Variants in ABHD12B observed in about 807,000 individuals in gnomAD.
The protein encoded by ABHD12B is abhydrolase domain containing 12B, also known as protein ABHD12B.
In ABHD12B, 42 loss-of-function variants were observed where a neutral mutation model predicts 50.4. The ratio of observed to expected loss-of-function variants is 0.83; its 90% CI spans 0.65 to 1.08. ABHD12B has a LOEUF of 1.08. ABHD12B is among the 50% of genes least tolerant of loss of function. The probability of loss-of-function intolerance (pLI) is 0.00; values close to 1 mark genes in which losing one functional copy is unlikely to be tolerated. For missense variants in ABHD12B, 479 were observed against 447.7 expected (o/e 1.07, Z -0.63); for synonymous variants, 167 against 160.3 (o/e 1.04, Z -0.32).
In ABHD12B at chr14:50,877,995, G is replaced by T. The variant is rs766373995; in HGVS notation, c.148G>T (p.Ala50Ser). 25 of 1,534,986 alleles carry T rather than the reference G, an allele frequency of 1.6e-5. No individual in the cohort carries two copies. The South Asian group carries it at 3.0e-4, about 18-fold the overall frequency. The change falls in exon 2 of 13, where the codon GCT becomes TCT. Residue 50 changes from alanine (A) to serine (S), a missense_variant. By Grantham distance (99) the Ala-to-Ser change is moderately conservative. Coordinates refer to ENST00000337334, the MANE Select transcript of ABHD12B (RefSeq NM_001206673.2). ...SCSMLGRKIA[A>S]LYDSFTSKSL... Reference sequence around the variant, plus strand: ...TTCAATGCTCGGAAGAAAAATTGCTGCTCTGTATGACAGCTTTACTAGTAA... The same window carrying T: ...TTCAATGCTCGGAAGAAAAATTGCTTCTCTGTATGACAGCTTTACTAGTAA...
intron 8 of ABHD12B, among the ~76,000 whole-genome samples, chr14:50,888,215 T>TG (rs1027164959): frequency 6.6e-6 from 1 of 151,216 alleles, no homozygotes; most frequent in African/African-American, 2.4e-5. Context: ...TTTCTTTTTT[T>TG]TTTTTTTGTG....
intron 10 of ABHD12B, 73 bp from the exon 11 acceptor site, chr14:50,903,316 G>C: frequency 8.2e-7 from 1 of 1,219,798 alleles, no homozygotes; most frequent in Non-Finnish European, 1.2e-6. Context: ...TTTTGCTAAA[G>C]CTTTAACTTA....
chr14:50,892,598 C>A (rs2050134789), intron 9 of ABHD12B: 3 of 983,376 alleles, frequency 3.1e-6, no homozygotes, highest in Non-Finnish European at 3.6e-6. Context: ...TTTCAAAGAA[C>A]CAGCTTTGAC....
chr14:50,884,497 G>A (rs1017127695), intron 5 of ABHD12B, among the ~76,000 whole-genome samples: 1 of 152,212 alleles, frequency 6.6e-6, no homozygotes, highest in Non-Finnish European at 1.5e-5. Flanking sequence ...GCAGACCCAG[G>A]AGTGAATCTT....
At chr14:50,883,038 T>C (rs7144826) in intron 5 of ABHD12B, among the ~76,000 whole-genome samples, 136,319 of 151,044 alleles carry the variant, frequency 0.9, 61,743 homozygotes, top group South Asian at 0.99. Context: ...TAGAGTAGCA[T>C]GGTGGCCACA....
chr14:50,895,103 A>T (rs1275297801), intron 9 of ABHD12B, among the ~76,000 whole-genome samples: 2 of 149,950 alleles, frequency 1.3e-5, no homozygotes, highest in African/African-American at 5.1e-5. Context: ...AAATATAAAA[A>T]TCCAGCCCAG....
At chr14:50,877,034 A>C (rs1189274229) in intron 1 of ABHD12B, among the ~76,000 whole-genome samples, 1 of 152,148 alleles carries the variant, frequency 6.6e-6, no homozygotes, top group East Asian at 1.9e-4. Context: ...CTCATGGACA[A>C]ATCGTCACTT....
At chr14:50,883,366 C>A (rs997571099) in intron 5 of ABHD12B, among the ~76,000 whole-genome samples, 5 of 152,204 alleles carry the variant, frequency 3.3e-5, no homozygotes, top group African/African-American at 1.2e-4. Flanking sequence ...TCCTCTCTTC[C>A]CTGTGCAGAC....
intron 1 of ABHD12B, among the ~76,000 whole-genome samples, chr14:50,872,675 C>A (rs546356709): frequency 1.3e-5 from 2 of 152,268 alleles, no homozygotes; most frequent in African/African-American, 4.8e-5. Context: ...ATGTTGTAAT[C>A]TTGGACGGGA....
At chr14:50,892,328 AG>A in intron 9 of ABHD12B, 1 of 812,314 alleles carries the variant, frequency 1.2e-6, no homozygotes, top group Non-Finnish European at 1.5e-6. Flanking sequence ...AAAATCCAAA[AG>A]GGAATGAGGG....
Position 50,901,856 on chromosome 14 carries a change from C to G in ABHD12B, c.808C>G (p.Arg270Gly). 2 of 1,592,006 alleles carry G rather than the reference C, an allele frequency of 1.3e-6. No homozygotes were observed. Among genetic ancestry groups the G allele is most frequent in the Non-Finnish European group, 1.7e-6 (2 of 1,173,804 alleles). The stretch of plus-strand genomic sequence containing the variant: ...TTACCGGAACATTCCAGGATTTTTA[C>G]GTACACTTATGGATGCCCTGAGAAA... ...KIYRNIPGFL[R>G]TLMDALRKDK... Residue 270 changes from arginine to glycine, a missense_variant, in exon 10 of 13, where the codon CGT becomes GGT. By Grantham distance (125) the Arg-to-Gly change is moderately radical. Transcript: ENST00000337334.
chr14:50,891,529 C>T (rs1566490903), intron 9 of ABHD12B: 4 of 152,334 alleles, frequency 2.6e-5, no homozygotes, highest in South Asian at 4.1e-4. Flanking sequence ...AGGCGTGAGC[C>T]ACCGCGCCCA....
intron 9 of ABHD12B, among the ~76,000 whole-genome samples, chr14:50,898,921 G>A (rs12433552): frequency 0.035 from 5,329 of 152,316 alleles, 132 homozygotes; most frequent in African/African-American, 0.059. Context: ...AGCTGGGCAC[G>A]GTGGCTGGCG....
At chr14:50,901,771 A>G (rs2050262347) in intron 9 of ABHD12B, 58 bp from the exon 10 acceptor site, 2 of 1,154,420 alleles carry the variant, frequency 1.7e-6, no homozygotes, top group Non-Finnish European at 2.4e-6. Flanking sequence ...GAAAGACTAT[A>G]TAACAGATGG....
At chr14:50,883,965 A>G (rs926430020) in intron 5 of ABHD12B, among the ~76,000 whole-genome samples, 1 of 151,456 alleles carries the variant, frequency 6.6e-6, no homozygotes, top group African/African-American at 2.4e-5. Context: ...GATTGTATCT[A>G]TATATACGTT....
At chr14:50,882,507 G>A (rs2049970171) in intron 5 of ABHD12B, among the ~76,000 whole-genome samples, 1 of 150,004 alleles carries the variant, frequency 6.7e-6, no homozygotes, top group South Asian at 2.1e-4. Context: ...CTCCCAAGTA[G>A]CTGGGATTAC....
intron 9 of ABHD12B, 93 bp from the exon 10 acceptor site, chr14:50,901,734 ACT>A (rs1471508031): frequency 1.5e-6 from 1 of 685,778 alleles, no homozygotes; most frequent in Non-Finnish European, 2.3e-6. Context: ...GAGAAGCACT[ACT>A]CTCTGTGTTA....
At chr14:50,903,346 G>A in intron 10 of ABHD12B, 43 bp from the exon 11 acceptor site, 1 of 1,456,188 alleles carries the variant, frequency 6.9e-7, no homozygotes, top group Non-Finnish European at 9.6e-7. Flanking sequence ...AAATCTCAAT[G>A]TATCATTCTT....
intron 9 of ABHD12B, among the ~76,000 whole-genome samples, chr14:50,894,563 G>T (rs61647645): frequency 1.5e-3 from 225 of 152,106 alleles, no homozygotes; most frequent in Non-Finnish European, 2.6e-3. Context: ...CTGCAATGCC[G>T]CTTGACCCCA....
Sources: gnomAD v4.1 joint callset for allele counts (sites outside exome capture counted in the v4.1 genomes callset) on GRCh38, gnomAD v4.1.1 for gene constraint, MANE v1.5 for transcripts, NCBI Gene and HGNC (gene_info 2026-07-23, HGNC 2026-07-21) for gene names.